The following RIMS2 variants were observed in gnomAD, a reference collection of about 807,000 sequenced individuals.
RIMS2 encodes regulating synaptic membrane exocytosis protein 2.
In RIMS2, 59 loss-of-function variants were observed where a neutral mutation model predicts 174.4. That is an observed-to-expected ratio of 0.34 (90% CI 0.27 to 0.42). The LOEUF is 0.42. Among genes scored for constraint, RIMS2 ranks in the 10% least tolerant of loss-of-function variants. The probability of loss-of-function intolerance (pLI) is 1.00; values close to 1 mark genes in which losing one functional copy is unlikely to be tolerated. For synonymous variants in RIMS2, 606 were observed against 572.5 expected (o/e 1.06, Z -0.84); for missense variants, 1,620 against 1,666.3 (o/e 0.97, Z 0.48).
At chr8:103,549,087 T>C (rs1846407457) in intron 1 of RIMS2, among the ~76,000 whole-genome samples, 1 of 151,594 alleles carries the variant, frequency 6.6e-6, no homozygotes, top group Non-Finnish European at 1.5e-5. Context: ...AAAATGGCCA[T>C]ACTCAACATT....
chr8:103,893,034 G>A (rs950258780), intron 4 of RIMS2, among the ~76,000 whole-genome samples: 1 of 152,006 alleles, frequency 6.6e-6, no homozygotes, highest in African/African-American at 2.4e-5. Context: ...ATGGTGTATA[G>A]GGCATTTATA....
intron 1 of RIMS2, among the ~76,000 whole-genome samples, chr8:103,588,806 C>A (rs1011295571): frequency 6.6e-6 from 1 of 151,776 alleles, no homozygotes; most frequent in Non-Finnish European, 1.5e-5. Flanking sequence ...TATGAAACTA[C>A]CACAAGAAAA....
At chr8:103,665,269 G>A (rs978845270) in intron 1 of RIMS2, among the ~76,000 whole-genome samples, 2 of 152,194 alleles carry the variant, frequency 1.3e-5, no homozygotes, top group Admixed American at 6.5e-5. Context: ...AGAACTTAAA[G>A]TATAATGAAA....
At chr8:103,887,410 C>T (rs1457768303) in intron 4 of RIMS2, among the ~76,000 whole-genome samples, 7 of 151,098 alleles carry the variant, frequency 4.6e-5, no homozygotes, top group African/African-American at 1.7e-4. Context: ...GTATCTAAAC[C>T]TTTGTATTTG....
chr8:103,592,362 A>C (rs1336842086), intron 1 of RIMS2, among the ~76,000 whole-genome samples: 1 of 151,240 alleles, frequency 6.6e-6, no homozygotes, highest in Admixed American at 6.6e-5. Context: ...AGTTTGATTT[A>C]CTAAGTTCAT....
chr8:104,119,374 C>CA (rs199602534), intron 19 of RIMS2, among the ~76,000 whole-genome samples: 2,600 of 150,560 alleles, frequency 0.017, 59 homozygotes, highest in African/African-American at 0.057. Flanking sequence ...ACAAAAAAAA[C>CA]AAAAAAAACC....
chr8:103,573,726 T>A (rs1052207725), intron 1 of RIMS2, among the ~76,000 whole-genome samples: 5 of 152,122 alleles, frequency 3.3e-5, no homozygotes, highest in Non-Finnish European at 7.4e-5. Flanking sequence ...AATTTTAGAA[T>A]TTTTTTAATT....
At chr8:103,578,026 A>G (rs1051259952) in intron 1 of RIMS2, among the ~76,000 whole-genome samples, 4 of 152,208 alleles carry the variant, frequency 2.6e-5, no homozygotes, top group Non-Finnish European at 4.4e-5. Flanking sequence ...TTCCAGAGGG[A>G]ATTGAGCAAG....
At chr8:103,510,530 T>G (rs952203999) in intron 1 of RIMS2, among the ~76,000 whole-genome samples, 2 of 152,204 alleles carry the variant, frequency 1.3e-5, no homozygotes, top group Non-Finnish European at 2.9e-5. Flanking sequence ...ATTACGTTCT[T>G]TAAGTTATAG....
At chr8:103,938,333 AC>A (rs1482051086) in intron 13 of RIMS2, among the ~76,000 whole-genome samples, 1 of 152,172 alleles carries the variant, frequency 6.6e-6, no homozygotes, top group African/African-American at 2.4e-5. Context: ...GTCACGTCTT[AC>A]ATGGATGGTG....
At chr8:103,936,878 G>A (rs1437013117) in intron 13 of RIMS2, among the ~76,000 whole-genome samples, 156 bp downstream of exon 15, 6 of 152,148 alleles carry the variant, frequency 3.9e-5, no homozygotes, top group Middle Eastern at 3.4e-3. Flanking sequence ...GGCGGATCAC[G>A]AGGTCAGAAG....
intron 16 of RIMS2, among the ~76,000 whole-genome samples, chr8:103,982,067 G>T (rs2093951637): frequency 1.3e-5 from 2 of 151,898 alleles, no homozygotes; most frequent in Admixed American, 1.3e-4. Context: ...GATGAATAAG[G>T]ACACATTACA....
intron 3 of RIMS2, among the ~76,000 whole-genome samples, chr8:103,767,699 G>T (rs1390465330): frequency 2.0e-5 from 3 of 152,126 alleles, no homozygotes; most frequent in Admixed American, 6.5e-5. Context: ...ATTTTAGATG[G>T]TGCCTAAAGT....
At chr8:103,967,671 T>C (rs1238812165) in intron 15 of RIMS2, among the ~76,000 whole-genome samples, 8 of 152,156 alleles carry the variant, frequency 5.3e-5, no homozygotes, top group Non-Finnish European at 1.5e-5. Flanking sequence ...CTCTATGCAC[T>C]TCTATTAGTT....
chr8:103,505,596 A>G (rs1269771901), intron 1 of RIMS2, among the ~76,000 whole-genome samples: 1 of 152,098 alleles, frequency 6.6e-6, no homozygotes, highest in Non-Finnish European at 1.5e-5. Context: ...TCCTACATGT[A>G]TGAATGTATA....
intron 19 of RIMS2, among the ~76,000 whole-genome samples, chr8:104,205,758 A>T (rs914634865): frequency 3.5e-5 from 5 of 144,510 alleles, no homozygotes; most frequent in African/African-American, 1.0e-4. Flanking sequence ...ATTTATTTGA[A>T]TTTTTTTTTT....
intron 19 of RIMS2, among the ~76,000 whole-genome samples, chr8:104,193,342 C>A (rs1730667133): frequency 6.6e-6 from 1 of 152,122 alleles, no homozygotes; most frequent in Non-Finnish European, 1.5e-5. Flanking sequence ...CAATTTACTG[C>A]ATTTTTCCTC....
At chr8:103,565,734 A>G (rs2092272052) in intron 1 of RIMS2, among the ~76,000 whole-genome samples, 1 of 152,202 alleles carries the variant, frequency 6.6e-6, no homozygotes, top group South Asian at 2.1e-4. Context: ...CTGTAGTCTT[A>G]TGGAGTATCA....
At chr8:103,724,444 G>T (rs905885806) in intron 2 of RIMS2, among the ~76,000 whole-genome samples, 1 of 151,996 alleles carries the variant, frequency 6.6e-6, no homozygotes, top group African/African-American at 2.4e-5. Context: ...AATATTTCAG[G>T]TTTTTTCTTT....
Sources: gnomAD v4.1 joint callset for allele counts (sites outside exome capture counted in the v4.1 genomes callset) on GRCh38, gnomAD v4.1.1 for gene constraint, MANE v1.5 for transcripts, NCBI Gene and HGNC (gene_info 2026-07-23, HGNC 2026-07-21) for gene names.